FGF10: variants seen among roughly 807,000 people sequenced by gnomAD.
FGF10 encodes the protein FGF-10.
FGF10 carries 2 observed loss-of-function variants against 19.8 expected under a neutral mutation model. That is an observed-to-expected ratio of 0.10 (90% CI 0.04 to 0.32). FGF10 has a LOEUF of 0.32. Ranked by LOEUF, FGF10 falls within the 10% of genes least tolerant of loss-of-function variation. The pLI is 1.00. For missense variants in FGF10, 191 were observed against 246.3 expected, an observed-to-expected ratio of 0.78 and a Z score of 1.50; for synonymous variants, 112 against 94.0, an observed-to-expected ratio of 1.19 and a Z score of -1.10.
intron 1 of FGF10, among the ~76,000 whole-genome samples, chr5:44,373,695 CT>C (rs1741793347): frequency 6.6e-6 from 1 of 152,236 alleles, no homozygotes; most frequent in South Asian, 2.1e-4. Flanking sequence ...CACCAGCTTT[CT>C]GTTTATGATG....
intron 1 of FGF10, among the ~76,000 whole-genome samples, chr5:44,336,453 T>C (rs534578458): frequency 1.7e-3 from 260 of 152,306 alleles, no homozygotes; most frequent in Non-Finnish European, 2.8e-3. Flanking sequence ...TCAGATTCTA[T>C]GTTTGTCTTC....
intron 1 of FGF10, among the ~76,000 whole-genome samples, chr5:44,380,507 T>C (rs1026854494): frequency 1.3e-5 from 2 of 152,228 alleles, no homozygotes; most frequent in Admixed American, 6.5e-5. Flanking sequence ...TTTTACATTG[T>C]TTCCTGATTT....
intron 1 of FGF10, among the ~76,000 whole-genome samples, chr5:44,342,709 G>A (rs1045312021): frequency 2.0e-5 from 3 of 151,868 alleles, no homozygotes; most frequent in Non-Finnish European, 4.4e-5. Context: ...TAAGTTGCTT[G>A]CTTTGAGATA....
Position 44,301,921 on chromosome 5 carries a change from C to T in FGF10, c.*3074G>A, listed in dbSNP as rs1022896203. On this transcript the variant is annotated 3_prime_UTR_variant, in exon 3 of 3. Transcript: ENST00000264664. ...TGTAACATACTATACACTGTTCAGC[C>T]TTTTGCGAGTTAGGAGGAGGGAGTG... Among the ~76,000 whole-genome samples, 1 of 152,026 alleles carries T rather than the reference C, an allele frequency of 6.6e-6. No individual in the cohort carries two copies. The highest frequency in any genetic ancestry group is 1.5e-5 in the Non-Finnish European group (1 of 68,006).
intron 2 of FGF10, among the ~76,000 whole-genome samples, chr5:44,308,124 TAGAA>T (rs1356150925): frequency 2.6e-5 from 4 of 152,218 alleles, no homozygotes; most frequent in Non-Finnish European, 5.9e-5. Context: ...CTGCAGATAA[TAGAA>T]AGCCACCGGA....
At chr5:44,363,246 C>T (rs1019166166) in intron 1 of FGF10, among the ~76,000 whole-genome samples, 1 of 151,748 alleles carries the variant, frequency 6.6e-6, no homozygotes, top group Non-Finnish European at 1.5e-5. Context: ...CATAACTGCT[C>T]TTTAAGTGAA....
intron 1 of FGF10, among the ~76,000 whole-genome samples, chr5:44,374,336 T>C (rs1468663967): frequency 6.6e-6 from 1 of 152,126 alleles, no homozygotes; most frequent in Non-Finnish European, 1.5e-5. Context: ...CATTTCAAGA[T>C]CCTTAACTTG....
intron 1 of FGF10, among the ~76,000 whole-genome samples, chr5:44,355,158 A>G (rs1741318296): frequency 6.6e-6 from 1 of 151,588 alleles, no homozygotes; most frequent in East Asian, 2.0e-4. Flanking sequence ...GAGTTGGAAA[A>G]ATGGGGTAGG....
At chr5:44,355,550 A>T (rs968337885) in intron 1 of FGF10, among the ~76,000 whole-genome samples, 1 of 151,280 alleles carries the variant, frequency 6.6e-6, no homozygotes, top group African/African-American at 2.4e-5. Context: ...TTTACTAAGA[A>T]AGCAGAGAAC....
intron 1 of FGF10, among the ~76,000 whole-genome samples, chr5:44,387,676 TAGC>T (rs1293435635): frequency 6.6e-6 from 1 of 152,060 alleles, no homozygotes; most frequent in Non-Finnish European, 1.5e-5. Context: ...AGAAGACAAA[TAGC>T]AGCGGTGGTG....
intron 1 of FGF10, among the ~76,000 whole-genome samples, chr5:44,336,670 GT>G (rs1468645865): frequency 6.6e-6 from 1 of 152,080 alleles, no homozygotes; most frequent in East Asian, 1.9e-4. Context: ...GCTAAGCCCA[GT>G]TTTTTCATCT....
intron 1 of FGF10, among the ~76,000 whole-genome samples, chr5:44,354,390 T>C (rs1317227150): frequency 6.6e-6 from 1 of 151,502 alleles, no homozygotes; most frequent in East Asian, 1.9e-4. Flanking sequence ...TAATCAGTAG[T>C]ATATTATAGT....
intron 1 of FGF10, among the ~76,000 whole-genome samples, chr5:44,362,232 C>T (rs1022017629): frequency 6.6e-5 from 10 of 151,704 alleles, no homozygotes; most frequent in African/African-American, 2.2e-4. Flanking sequence ...TGCTACTTTC[C>T]GTCTTCTATT....
chr5:44,381,091 G>C (rs376952031), intron 1 of FGF10, among the ~76,000 whole-genome samples: 2 of 152,118 alleles, frequency 1.3e-5, no homozygotes, highest in African/African-American at 4.8e-5. Flanking sequence ...GAGTTATTGG[G>C]AGCAAAAATT....
chr5:44,317,156 T>C (rs995994746), intron 1 of FGF10, among the ~76,000 whole-genome samples: 2 of 152,216 alleles, frequency 1.3e-5, no homozygotes, highest in Non-Finnish European at 2.9e-5. Context: ...CCTACCATTA[T>C]ACACTCTGGT....
At chr5:44,374,611 G>A (rs1252937272) in intron 1 of FGF10, among the ~76,000 whole-genome samples, 1 of 152,140 alleles carries the variant, frequency 6.6e-6, no homozygotes, top group African/African-American at 2.4e-5. Context: ...CACAGTAAAT[G>A]TTTTGACACA....
In FGF10 at chr5:44,349,521, T is replaced by C. The variant is rs557859100; in HGVS notation, c.325+38837A>G. On this transcript the variant is annotated intron_variant, in intron 1 of 2. Coordinates refer to ENST00000264664, the MANE Select transcript of FGF10 (RefSeq NM_004465.2). ...ATATATATGTGTGTGTGTATATATC[T>C]CTATATATGCCATTTTATTTGCTCT... Among the ~76,000 whole-genome samples the C allele has an allele frequency of 2.3e-3, 313 of 137,558 alleles. 5 individuals are homozygous for C. Among genetic ancestry groups the C allele is most frequent in the African/African-American group, 8.0e-3 (300 of 37,656 alleles). 90.2% of individuals were successfully genotyped at this position (137,558 alleles called of 152,430 possible).
At chr5:44,333,651 C>A (rs749686748) in intron 1 of FGF10, among the ~76,000 whole-genome samples, 3 of 152,044 alleles carry the variant, frequency 2.0e-5, no homozygotes, top group African/African-American at 7.2e-5. Flanking sequence ...TGACATCAAA[C>A]CTTAACCACT....
intron 1 of FGF10, among the ~76,000 whole-genome samples, chr5:44,361,166 T>G (rs1741473514): frequency 6.6e-6 from 1 of 151,700 alleles, no homozygotes; most frequent in Admixed American, 6.6e-5. Flanking sequence ...TGCTGAAATC[T>G]TGACTGGAAT....
Sources: gnomAD v4.1 joint callset for allele counts (sites outside exome capture counted in the v4.1 genomes callset) on GRCh38, gnomAD v4.1.1 for gene constraint, MANE v1.5 for transcripts, NCBI Gene and HGNC (gene_info 2026-07-23, HGNC 2026-07-21) for gene names.